The following AKR1A1 variants were observed in gnomAD, a reference collection of about 807,000 sequenced individuals.
The protein encoded by AKR1A1 is aldo-keto reductase family 1 member A1.
Under a neutral mutation model 39.2 loss-of-function variants are expected in AKR1A1, and 26 were observed. That is an observed-to-expected ratio of 0.66 (90% CI 0.49 to 0.92). The LOEUF (loss-of-function observed/expected upper bound fraction) is 0.92, where lower values mean the gene tolerates loss of function less well. Ranked by LOEUF, AKR1A1 falls within the 40% of genes least tolerant of loss-of-function variation. AKR1A1 has a pLI of 0.00. For missense variants in AKR1A1, 378 were observed against 406.5 expected (o/e 0.93, Z 0.60); for synonymous variants, 141 against 155.5 (o/e 0.91, Z 0.69).
At chr1:45,558,600 A>G (rs2148294145) in intron 1 of AKR1A1, among the ~76,000 whole-genome samples, 1 of 151,744 alleles carries the variant, frequency 6.6e-6, no homozygotes, top group South Asian at 2.1e-4. Context: ...GGGTTTCACC[A>G]TGTTGGTCAG....
intron 1 of AKR1A1, among the ~76,000 whole-genome samples, chr1:45,552,199 G>T (rs371790998): frequency 6.6e-6 from 1 of 151,878 alleles, no homozygotes; most frequent in East Asian, 1.9e-4. Context: ...TTTAGAGATG[G>T]ATGGGGGTCT....
Position 45,567,029 on chromosome 1 carries a change from T to G in AKR1A1, c.356+9T>G, listed in dbSNP as rs1213126082. On this transcript the variant is annotated intron_variant, in intron 4 of 8. Coordinates refer to ENST00000351829, the MANE Select transcript of AKR1A1 (RefSeq NM_153326.3). ...TGGCCTTATGCCTTTGAGTGAGCCT[T>G]GCCAGAGCCTCATCTGGGGAATCAG... is the stretch of plus-strand genomic sequence containing the variant. 5 of 1,612,466 alleles carry G rather than the reference T, an allele frequency of 3.1e-6. No homozygotes were observed. Among genetic ancestry groups the G allele is most frequent in the Non-Finnish European group, 4.2e-6 (5 of 1,179,010 alleles).
chr1:45,555,899 G>T (rs1336166857), intron 1 of AKR1A1, among the ~76,000 whole-genome samples: 1 of 152,164 alleles, frequency 6.6e-6, no homozygotes, highest in East Asian at 1.9e-4. Context: ...CATACTAGTG[G>T]AGAGGTCCAG....
intron 1 of AKR1A1, among the ~76,000 whole-genome samples, chr1:45,556,321 G>A (rs1644202223): frequency 6.6e-6 from 1 of 152,202 alleles, no homozygotes; most frequent in Non-Finnish European, 1.5e-5. Context: ...GGCGGCTCGC[G>A]CCTGTAATCC....
intron 1 of AKR1A1, chr1:45,552,319 C>T (rs1248900890): frequency 6.6e-6 from 1 of 151,558 alleles, no homozygotes; most frequent in East Asian, 1.9e-4. Context: ...CTATAAACTA[C>T]ATGCCACTGT....
intron 1 of AKR1A1, among the ~76,000 whole-genome samples, chr1:45,556,313 C>T (rs1329940120): frequency 2.0e-5 from 3 of 152,056 alleles, no homozygotes; most frequent in Non-Finnish European, 2.9e-5. Context: ...CCGGGCGCGG[C>T]GGCTCGCGCC....
chr1:45,561,760 A>G lies in AKR1A1; in HGVS notation c.-6-29A>G, dbSNP rs773914803. On this transcript the variant is annotated intron_variant, in intron 1 of 8. Coordinates refer to ENST00000351829, the MANE Select transcript of AKR1A1 (RefSeq NM_153326.3). The stretch of plus-strand genomic sequence containing the variant: ...GACCTGAACAACAGCACTAACCCCA[A>G]CACCATTCTCTTCCCATCTGTGTTT... 4 of 1,609,388 alleles carry G rather than the reference A, an allele frequency of 2.5e-6. No individual in the cohort carries two copies. In the Admixed American group the frequency reaches 5.0e-5, roughly 20 times the overall value.
At chr1:45,568,777 C>A in intron 6 of AKR1A1, 93 bp downstream of exon 6, 2 of 1,557,950 alleles carry the variant, frequency 1.3e-6, no homozygotes, top group East Asian at 2.3e-5. Flanking sequence ...GAGGATCTTG[C>A]CTTGTGATCT....
rs1033602817 is a variant in AKR1A1, at chr1:45,567,994, C to T, written c.369C>T (p.Asn123=). The part of the protein sequence containing the change: ...HWPYAFERGD[N]PFPKNADGTI... ...GTCTCTCACTCAGGCGGGGAGACAACCCCTTCCCCAAGAATGCTGATGGGA... is the reference window on the plus strand; with the variant it reads ...GTCTCTCACTCAGGCGGGGAGACAATCCCTTCCCCAAGAATGCTGATGGGA... The change falls in exon 5 of 9, where the codon AAC becomes AAT. Residue 123 remains asparagine, a synonymous_variant. Transcript: ENST00000351829. 1.3e-5 allele frequency: 21 copies of T among 1,612,672 alleles called. No homozygotes were observed. The highest frequency in any genetic ancestry group is 5.9e-6 in the Non-Finnish European group (7 of 1,179,210).
rs756886894 is a variant in AKR1A1 at position 45,568,703 on chromosome 1, G to C, written c.752+19G>C. 12 of 1,612,602 alleles carry C rather than the reference G, an allele frequency of 7.4e-6. No individual in the cohort carries two copies. The East Asian group carries it at 2.5e-4, about 33-fold the overall frequency. The stretch of plus-strand genomic sequence containing the variant: ...TGCTCAGGTATGGGGCAGTCTTAGG[G>C]AGAGGGCCCTGGGTTGGGAGGCAAG... On this transcript the variant is annotated intron_variant, in intron 6 of 8. Coordinates refer to ENST00000351829, the MANE Select transcript of AKR1A1 (RefSeq NM_153326.3).
At chr1:45,556,447 G>C (rs1177295268) in intron 1 of AKR1A1, among the ~76,000 whole-genome samples, 2 of 152,122 alleles carry the variant, frequency 1.3e-5, no homozygotes, top group Non-Finnish European at 2.9e-5. Flanking sequence ...CAGGTGTGGT[G>C]GTGGGCGCCT....
chr1:45,554,664 G>T (rs558697266), intron 1 of AKR1A1, among the ~76,000 whole-genome samples: 23 of 152,188 alleles, frequency 1.5e-4, no homozygotes, highest in African/African-American at 5.5e-4. Flanking sequence ...TGCCTGCAAG[G>T]AACTACAAAT....
At chr1:45,565,447 A>T (rs569664097) in intron 2 of AKR1A1, among the ~76,000 whole-genome samples, 3 of 144,300 alleles carry the variant, frequency 2.1e-5, no homozygotes, top group South Asian at 2.2e-4. Context: ...AAAAAAAAAA[A>T]TTTGTTTTCA....
At chr1:45,561,377 T>C (rs1040096598) in intron 1 of AKR1A1, among the ~76,000 whole-genome samples, 1 of 151,726 alleles carries the variant, frequency 6.6e-6, no homozygotes, top group Non-Finnish European at 1.5e-5. Context: ...CACGTGTTTG[T>C]CCTACACATC....
rs111959245 is a variant in AKR1A1, at chr1:45,558,357, T to TA, written c.-6-3431dup. ...GATTCTCATGTCTTGGCCTCCCAAG[T>TA]AGCTGAGATTACAGGCATGTGCCAC... On this transcript the variant is annotated intron_variant, in intron 1 of 8. Transcript: ENST00000351829. 1.2e-3 allele frequency among the ~76,000 whole-genome samples: 179 copies of TA among 151,372 alleles called. 9 individuals are homozygous for TA. Among genetic ancestry groups the TA allele is most frequent in the African/African-American group, 4.2e-3 (173 of 41,290 alleles).
At chr1:45,563,753 C>T (rs1306165387) in intron 2 of AKR1A1, among the ~76,000 whole-genome samples, 1 of 152,220 alleles carries the variant, frequency 6.6e-6, no homozygotes, top group Non-Finnish European at 1.5e-5. Context: ...CGTGCCATTG[C>T]ACTCCAGCCT....
chr1:45,568,532 C>T lies in AKR1A1; in HGVS notation c.600C>T (p.Cys200=), dbSNP rs1246439901. Residue 200 remains cysteine (C), a synonymous_variant, in exon 6 of 9, where the codon TGC becomes TGT. Transcript: ENST00000351829. ...YLAQNELIAH[C]QARGLEVTAY... ...CTCAAAATGAGCTAATTGCCCACTG[C>T]CAAGCACGTGGCCTGGAGGTAACTG... is the stretch of plus-strand genomic sequence containing the variant. The T allele has an allele frequency of 4.2e-5, 68 of 1,613,784 alleles. No homozygotes were observed. Among genetic ancestry groups the T allele is most frequent in the Non-Finnish European group, 5.8e-5 (68 of 1,180,022 alleles).
intron 5 of AKR1A1, 41 bp from the exon 6 acceptor site, chr1:45,568,444 G>A (rs762426610): frequency 1.4e-5 from 22 of 1,602,428 alleles, no homozygotes; most frequent in Non-Finnish European, 1.9e-5. Context: ...AAGCAAGCTG[G>A]GTGTCACCAC....
chr1:45,565,044 G>A (rs1381755011), intron 2 of AKR1A1, among the ~76,000 whole-genome samples: 1 of 148,894 alleles, frequency 6.7e-6, no homozygotes, highest in Non-Finnish European at 1.5e-5. Flanking sequence ...GGATGGTCTC[G>A]ATCTCCTGAC....
Sources: gnomAD v4.1 joint callset for allele counts (sites outside exome capture counted in the v4.1 genomes callset) on GRCh38, gnomAD v4.1.1 for gene constraint, MANE v1.5 for transcripts, NCBI Gene and HGNC (gene_info 2026-07-23, HGNC 2026-07-21) for gene names.